The following GABRB3 variants were observed in gnomAD, a reference collection of about 807,000 sequenced individuals.
GABRB3 encodes gamma-aminobutyric acid receptor subunit beta-3.
GABRB3 carries 14 observed loss-of-function variants against 52.1 expected under a neutral mutation model. The ratio of observed to expected loss-of-function variants is 0.27; its 90% confidence interval spans 0.18 to 0.42. GABRB3 has a LOEUF of 0.42. GABRB3 is among the 10% of genes least tolerant of loss of function. The pLI, the probability that GABRB3 is intolerant of heterozygous loss-of-function variation, is 1.00. For missense variants in GABRB3, 307 were observed against 609.1 expected (o/e 0.50, Z 5.22); for synonymous variants, 260 against 232.3 (o/e 1.12, Z -1.08).
intron 3 of GABRB3, among the ~76,000 whole-genome samples, chr15:26,758,821 T>A (rs566625111): frequency 7.2e-5 from 11 of 152,296 alleles, no homozygotes; most frequent in Admixed American, 2.0e-4. Flanking sequence ...GACACCACCA[T>A]TGTAGACAAA....
chr15:26,644,449 G>A (rs1249647048), intron 3 of GABRB3, among the ~76,000 whole-genome samples: 1 of 152,182 alleles, frequency 6.6e-6, no homozygotes, highest in African/African-American at 2.4e-5. Flanking sequence ...CCTCGTGAAG[G>A]AGGAGGCAGA....
Position 26,715,450 on chromosome 15 carries a change from G to C in GABRB3, c.240+56952C>G, listed in dbSNP as rs1037306853. Reference sequence around the variant, plus strand: ...GGGATGTGCTACATCCCAGAAGAGAGAGGAGAGAAAACCCACACGATGTAA... The same window carrying C: ...GGGATGTGCTACATCCCAGAAGAGACAGGAGAGAAAACCCACACGATGTAA... On this transcript the variant is annotated intron_variant, in intron 3 of 8. Coordinates refer to ENST00000311550, the MANE Select transcript of GABRB3 (RefSeq NM_000814.6). 1.6e-4 allele frequency among the ~76,000 whole-genome samples: 24 copies of C among 152,130 alleles called. 1 individual carries two copies. The highest frequency in any genetic ancestry group is 4.4e-5 in the Non-Finnish European group (3 of 68,042).
intron 4 of GABRB3, among the ~76,000 whole-genome samples, chr15:26,607,804 A>G (rs1251941494): frequency 6.6e-6 from 1 of 152,132 alleles, no homozygotes; most frequent in Non-Finnish European, 1.5e-5. Context: ...ACTGCAAACT[A>G]TAACATTCAC....
intron 3 of GABRB3, among the ~76,000 whole-genome samples, chr15:26,627,877 G>C (rs1388220293): frequency 6.6e-6 from 1 of 152,168 alleles, no homozygotes; most frequent in Non-Finnish European, 1.5e-5. Context: ...TTCTACTCTG[G>C]GTAAAATGCT....
At chr15:26,668,842 T>C (rs1382688242) in intron 3 of GABRB3, among the ~76,000 whole-genome samples, 3 of 152,190 alleles carry the variant, frequency 2.0e-5, no homozygotes, top group East Asian at 1.9e-4. Flanking sequence ...TAGAGGACTA[T>C]GATTTAAGAA....
At chr15:26,636,024 G>A (rs944778187) in intron 3 of GABRB3, among the ~76,000 whole-genome samples, 4 of 152,158 alleles carry the variant, frequency 2.6e-5, no homozygotes, top group Non-Finnish European at 5.9e-5. Flanking sequence ...TATTTGGATG[G>A]ACATCTCTGC....
At chr15:26,712,560 G>A (rs1889333071) in intron 3 of GABRB3, among the ~76,000 whole-genome samples, 1 of 152,124 alleles carries the variant, frequency 6.6e-6, no homozygotes, top group African/African-American at 2.4e-5. Flanking sequence ...GAAGCCGAGA[G>A]CCCGTGACTC....
intron 4 of GABRB3, among the ~76,000 whole-genome samples, chr15:26,604,877 C>CA (rs1247138791): frequency 6.6e-6 from 1 of 152,048 alleles, no homozygotes; most frequent in Admixed American, 6.6e-5. Flanking sequence ...TATTGAGTGA[C>CA]ACCCCACAAG....
At chr15:26,695,759 G>A (rs1411989258) in intron 3 of GABRB3, among the ~76,000 whole-genome samples, 1 of 152,166 alleles carries the variant, frequency 6.6e-6, no homozygotes, top group Non-Finnish European at 1.5e-5. Flanking sequence ...TAGCAACAAT[G>A]AGTTTGGTGA....
intron 4 of GABRB3, among the ~76,000 whole-genome samples, chr15:26,616,598 C>T: frequency 7.5e-6 from 1 of 133,656 alleles, no homozygotes; most frequent in South Asian, 2.3e-4. Flanking sequence ...ACCTATACTA[C>T]ACTTGAAAAA....
intron 4 of GABRB3, chr15:26,615,513 CT>C: frequency 1.1e-6 from 1 of 873,496 alleles, no homozygotes; most frequent in Non-Finnish European, 1.4e-6. Flanking sequence ...TTAAAACAAC[CT>C]TTTATCACTA....
At chr15:26,711,456 T>G (rs1327356490) in intron 3 of GABRB3, among the ~76,000 whole-genome samples, 1 of 105,936 alleles carries the variant, frequency 9.4e-6, no homozygotes, top group Non-Finnish European at 2.2e-5. Flanking sequence ...CTAAATCCAC[T>G]GCTCCGCTCG....
intron 4 of GABRB3, among the ~76,000 whole-genome samples, chr15:26,601,030 G>T (rs1466823166): frequency 2.6e-5 from 4 of 152,162 alleles, no homozygotes; most frequent in Non-Finnish European, 5.9e-5. Flanking sequence ...AAAATTGGCT[G>T]TTATCAGCTT....
At chr15:26,645,884 C>G (rs1252068455) in intron 3 of GABRB3, among the ~76,000 whole-genome samples, 2 of 151,818 alleles carry the variant, frequency 1.3e-5, no homozygotes, top group Non-Finnish European at 2.9e-5. Flanking sequence ...CTCAGCCTCC[C>G]AATGGTCTTT....
chr15:26,682,602 T>A (rs971740518), intron 3 of GABRB3, among the ~76,000 whole-genome samples: 1 of 152,168 alleles, frequency 6.6e-6, no homozygotes, highest in African/African-American at 2.4e-5. Context: ...GAGTTCTGAG[T>A]CCCAGCTTTG....
intron 3 of GABRB3, among the ~76,000 whole-genome samples, chr15:26,650,614 C>T (rs1887166347): frequency 1.3e-5 from 2 of 152,150 alleles, no homozygotes; most frequent in South Asian, 2.1e-4. Flanking sequence ...AAGTTAAATC[C>T]TCAGACTGGA....
In GABRB3 at chr15:26,674,416, A is replaced by G. The variant is rs550295926; in HGVS notation, c.241-52882T>C. Among the ~76,000 whole-genome samples, 20 of 118,300 alleles carry G rather than the reference A, an allele frequency of 1.7e-4. No individual in the cohort carries two copies. The East Asian group carries it at 2.9e-3, about 17-fold the overall frequency. 77.6% of individuals were successfully genotyped at this position (118,300 alleles called of 152,430 possible). On this transcript the variant is annotated intron_variant, in intron 3 of 8. Coordinates refer to ENST00000311550, the MANE Select transcript of GABRB3 (RefSeq NM_000814.6). ...ACTCAGTTTCAAAAAAAAAAAAAAA[A>G]AAAAAGAAAAGAAAAGAAAGGAAAG... is the stretch of plus-strand genomic sequence containing the variant.
chr15:26,595,650 G>A (rs1595468723), intron 4 of GABRB3, among the ~76,000 whole-genome samples: 1 of 152,240 alleles, frequency 6.6e-6, no homozygotes, highest in African/African-American at 2.4e-5. Context: ...CCATCCAAGT[G>A]GAGCCTAAAG....
intron 3 of GABRB3, chr15:26,629,207 A>C: frequency 1.4e-6 from 2 of 1,443,538 alleles, no homozygotes; most frequent in East Asian, 2.5e-5. Context: ...AAGCGGCGGC[A>C]ATCAGGGGCG....
Sources: gnomAD v4.1 joint callset for allele counts (sites outside exome capture counted in the v4.1 genomes callset) on GRCh38, gnomAD v4.1.1 for gene constraint, MANE v1.5 for transcripts, NCBI Gene and HGNC (gene_info 2026-07-23, HGNC 2026-07-21) for gene names.